Variants in NGEF observed in about 807,000 individuals in gnomAD.
NGEF encodes ephexin-1.
A neutral mutation model predicts 80.9 loss-of-function variants in NGEF; 31 were observed. That is an observed-to-expected ratio of 0.38 (90% confidence interval 0.29 to 0.52). NGEF has a LOEUF of 0.52. NGEF is among the 20% of genes least tolerant of loss of function. The pLI is 0.84. For synonymous variants in NGEF, 371 were observed against 370.2 expected (o/e 1.00, Z -0.03); for missense variants, 709 against 926.2 (o/e 0.77, Z 3.04).
chr2:232,949,984 G>A (rs972714142), intron 3 of NGEF, among the ~76,000 whole-genome samples: 8 of 151,608 alleles, frequency 5.3e-5, no homozygotes, highest in African/African-American at 1.5e-4. Flanking sequence ...GCTAATTTCT[G>A]TATTTTTAGC....
intron 5 of NGEF, among the ~76,000 whole-genome samples, chr2:232,906,005 C>T (rs528746158): frequency 0.024 from 3,079 of 130,974 alleles, 184 homozygotes; most frequent in African/African-American, 0.09. Context: ...CCAGCCGCCC[C>T]GTCCGGGAGG....
chr2:233,011,384 C>T (rs370543133), intron 1 of NGEF, among the ~76,000 whole-genome samples: 8 of 152,024 alleles, frequency 5.3e-5, no homozygotes, highest in Non-Finnish European at 8.8e-5. Flanking sequence ...TCTTGGGAGA[C>T]GGGATGTCCG....
intron 3 of NGEF, among the ~76,000 whole-genome samples, chr2:232,933,984 C>G (rs1693273058): frequency 6.6e-6 from 1 of 152,194 alleles, no homozygotes; most frequent in Non-Finnish European, 1.5e-5. Flanking sequence ...TGGCTCACAC[C>G]TGTAATCCCA....
At chr2:232,964,579 A>T (rs1694019517) in intron 3 of NGEF, among the ~76,000 whole-genome samples, 1 of 152,150 alleles carries the variant, frequency 6.6e-6, no homozygotes, top group African/African-American at 2.4e-5. Context: ...CTGTAATCCC[A>T]CATATTCGGG....
chr2:232,962,347 G>C (rs186543188), intron 3 of NGEF, among the ~76,000 whole-genome samples: 1 of 152,324 alleles, frequency 6.6e-6, no homozygotes, highest in East Asian at 1.9e-4. Context: ...GACCAGCCTG[G>C]TCAACATGGT....
intron 7 of NGEF, 64 bp from the exon 8 acceptor site, chr2:232,891,551 C>A: frequency 6.5e-7 from 1 of 1,531,462 alleles, no homozygotes; most frequent in Non-Finnish European, 8.8e-7. Context: ...GAGACTCCTC[C>A]TCCCCATCCA....
chr2:232,946,148 A>T (rs1693553301), intron 3 of NGEF, among the ~76,000 whole-genome samples: 1 of 152,000 alleles, frequency 6.6e-6, no homozygotes, highest in South Asian at 2.1e-4. Flanking sequence ...CCTAGATAAG[A>T]TTGGAGACAG....
At position 232,891,463 on chromosome 2, in the gene NGEF, C is replaced by T; in HGVS notation, c.1167G>A (p.Glu389=). The change falls in exon 8 of 15, where the codon GAG becomes GAA. Residue 389 remains glutamate (E), a synonymous_variant. Coordinates refer to ENST00000264051, the MANE Select transcript of NGEF (RefSeq NM_019850.3). ...GGTCGAGCTCTAGCTGCGCGATCAGCTCCCGGAAAGCTGCCTTCTCCTGGC... is the reference window on the plus strand; with the variant it reads ...GGTCGAGCTCTAGCTGCGCGATCAGTTCCCGGAAAGCTGCCTTCTCCTGGC... ...QLLQEKAAFR[E]LIAQLELDPK... is the part of the protein sequence containing the mutation. The T allele has an allele frequency of 6.2e-7, 1 of 1,613,206 alleles. No homozygotes were observed. Among genetic ancestry groups the T allele is most frequent in the Non-Finnish European group, 8.5e-7 (1 of 1,179,914 alleles).
intron 1 of NGEF, among the ~76,000 whole-genome samples, chr2:232,994,385 A>G (rs1694735945): frequency 7.3e-6 from 1 of 137,030 alleles, no homozygotes; most frequent in Non-Finnish European, 1.6e-5. Flanking sequence ...AAAAAAAAAA[A>G]AAAGATATTA....
intron 5 of NGEF, among the ~76,000 whole-genome samples, chr2:232,908,442 T>G (rs1692624322): frequency 6.6e-6 from 1 of 152,170 alleles, no homozygotes; most frequent in African/African-American, 2.4e-5. Flanking sequence ...TATTTAAAAG[T>G]CTCTTGTCAT....
chr2:232,934,479 A>G (rs1693287921), intron 3 of NGEF, among the ~76,000 whole-genome samples: 1 of 152,092 alleles, frequency 6.6e-6, no homozygotes, highest in Non-Finnish European at 1.5e-5. Context: ...TAAGCTAAAA[A>G]TATCTTTGTA....
At chr2:232,880,879 G>C (rs1014321203) in intron 14 of NGEF, among the ~76,000 whole-genome samples, 1 of 152,216 alleles carries the variant, frequency 6.6e-6, no homozygotes, top group African/African-American at 2.4e-5. Flanking sequence ...CCACCCGCTT[G>C]GGCTGGGCCC....
intron 5 of NGEF, among the ~76,000 whole-genome samples, chr2:232,903,831 TG>T (rs1236055837): frequency 6.6e-6 from 1 of 152,240 alleles, no homozygotes; most frequent in African/African-American, 2.4e-5. Flanking sequence ...TGTAATTTTT[TG>T]GATAGAGGTC....
chr2:232,958,164 A>T (rs1213823215), intron 3 of NGEF, among the ~76,000 whole-genome samples: 1 of 152,190 alleles, frequency 6.6e-6, no homozygotes, highest in Non-Finnish European at 1.5e-5. Flanking sequence ...AAACTAATTT[A>T]TGATGCTCCA....
chr2:232,988,772 C>T (rs574249640), intron 1 of NGEF, among the ~76,000 whole-genome samples: 1 of 152,000 alleles, frequency 6.6e-6, no homozygotes, highest in Non-Finnish European at 1.5e-5. Context: ...AAACTGGCCC[C>T]ACAGATGAGA....
At chr2:232,959,248 T>G (rs910810857) in intron 3 of NGEF, among the ~76,000 whole-genome samples, 2 of 151,804 alleles carry the variant, frequency 1.3e-5, no homozygotes, top group African/African-American at 4.8e-5. Flanking sequence ...GCCTGCATGG[T>G]GTTGTTTAAC....
At position 232,933,111 on chromosome 2, in the gene NGEF, AAAATAAATAAAT is replaced by A. The variant is rs60621174; in HGVS notation, c.384-5937_384-5926del. ...GGAACAAGAGTGAAACTCCATCTCA[AAAATAAATAAAT>A]AAATAAATAAATAAATAAATAAATA... On this transcript the variant is annotated intron_variant, in intron 3 of 14. Transcript: ENST00000264051. Among the ~76,000 whole-genome samples the A allele has an allele frequency of 8.9e-4, 125 of 140,168 alleles. 1 individual carries two copies. The highest frequency in any genetic ancestry group is 3.3e-3 in the East Asian group (16 of 4,794). 92.0% of individuals were successfully genotyped at this position (140,168 alleles called of 152,430 possible). A position where few individuals can be genotyped will look rare whatever the true frequency, so the allele number is the denominator to read the frequency against.
At chr2:232,901,054 C>A (rs1402890722) in intron 5 of NGEF, among the ~76,000 whole-genome samples, 2 of 152,208 alleles carry the variant, frequency 1.3e-5, no homozygotes, top group African/African-American at 4.8e-5. Context: ...AAAAGAGGAA[C>A]CAGGACACCA....
intron 10 of NGEF, 170 bp downstream of exon 10, chr2:232,885,110 T>C (rs1691633201): frequency 1.6e-6 from 1 of 612,768 alleles, no homozygotes; most frequent in Admixed American, 2.9e-5. Flanking sequence ...TGACGCCTGG[T>C]GGCAGGCGGG....
Sources: gnomAD v4.1 joint callset for allele counts (sites outside exome capture counted in the v4.1 genomes callset) on GRCh38, gnomAD v4.1.1 for gene constraint, MANE v1.5 for transcripts, NCBI Gene and HGNC (gene_info 2026-07-23, HGNC 2026-07-21) for gene names.